The following DGKH variants were observed in gnomAD, a reference collection of about 807,000 sequenced individuals.
DGKH encodes diacylglycerol kinase eta, also known as DAG kinase eta.
DGKH carries 90 observed loss-of-function variants against 159.3 expected under a neutral mutation model. The ratio of observed to expected loss-of-function variants is 0.57; its 90% confidence interval spans 0.48 to 0.67. The LOEUF (loss-of-function observed/expected upper bound fraction) is 0.67, where lower values mean the gene tolerates loss of function less well. Among genes scored for constraint, DGKH ranks in the 30% least tolerant of loss-of-function variants. DGKH has a pLI of 0.00. For missense variants in DGKH, 1,181 were observed against 1,506.1 expected, an observed-to-expected ratio of 0.78 and a Z score of 3.57; for synonymous variants, 536 against 553.8, an observed-to-expected ratio of 0.97 and a Z score of 0.45.
At chr13:42,041,569 C>T (rs1264131246) in intron 1 of DGKH, among the ~76,000 whole-genome samples, 1 of 152,128 alleles carries the variant, frequency 6.6e-6, no homozygotes, top group Non-Finnish European at 1.5e-5. Flanking sequence ...CTTAAGTGTG[C>T]GAGGATAAGG....
At chr13:42,058,242 A>G (rs1245194987) in intron 1 of DGKH, among the ~76,000 whole-genome samples, 1 of 152,236 alleles carries the variant, frequency 6.6e-6, no homozygotes, top group Non-Finnish European at 1.5e-5. Context: ...CTTTTAAGTG[A>G]AATGACATAT....
downstream of DGKH, chr13:42,243,015 C>T (rs1271608550): frequency 6.6e-6 from 1 of 152,116 alleles, no homozygotes; most frequent in Non-Finnish European, 1.5e-5. Flanking sequence ...CTCGTGTACC[C>T]TTTACCCATT....
chr13:42,071,862 G>A (rs1882995453), intron 1 of DGKH, among the ~76,000 whole-genome samples: 1 of 152,156 alleles, frequency 6.6e-6, no homozygotes, highest in African/African-American at 2.4e-5. Flanking sequence ...ATGTAACACC[G>A]ACCCGTGAGA....
intron 26 of DGKH, among the ~76,000 whole-genome samples, 200 bp from the exon 27 acceptor site, chr13:42,219,030 G>T (rs1404639543): frequency 6.6e-6 from 1 of 152,148 alleles, no homozygotes; most frequent in Non-Finnish European, 1.5e-5. Flanking sequence ...GGGAAGTAAT[G>T]ATTAGATTAA....
In DGKH at chr13:42,242,638, T is replaced by C. The variant is rs1229927179; in HGVS notation, c.*13450T>C. The C allele has an allele frequency of 6.6e-6, 1 of 152,254 alleles. No individual in the cohort carries two copies. The highest frequency in any genetic ancestry group is 2.4e-5 in the African/African-American group (1 of 41,462). 9.4% of individuals were successfully genotyped at this position (152,254 alleles called of 1,614,324 possible). A position where few individuals can be genotyped will look rare whatever the true frequency, so the allele number is the denominator to read the frequency against. ...TCACCTTTGGAATATATTGTTACAT[T>C]TCCTTGTACAGATAATTTTGGTGGC... On this transcript the variant is annotated 3_prime_UTR_variant, in exon 30 of 30. Transcript: ENST00000337343.
At chr13:42,152,779 C>T (rs1325010509) in intron 3 of DGKH, among the ~76,000 whole-genome samples, 1 of 151,896 alleles carries the variant, frequency 6.6e-6, no homozygotes, top group Non-Finnish European at 1.5e-5. Flanking sequence ...TAAGAGGGGA[C>T]AGTTCCCTGG....
chr13:42,226,660 C>T (rs1958140433), intron 29 of DGKH, among the ~76,000 whole-genome samples: 1 of 151,696 alleles, frequency 6.6e-6, no homozygotes, highest in Non-Finnish European at 1.5e-5. Flanking sequence ...TCGATATCAG[C>T]CTGGGCAACA....
At chr13:42,070,271 G>C (rs1202651294) in intron 1 of DGKH, 10 of 1,205,276 alleles carry the variant, frequency 8.3e-6, no homozygotes, top group Admixed American at 1.7e-5. Flanking sequence ...GGTTTGTGTG[G>C]CTCAGTCATG....
chr13:42,067,123 C>G (rs569647350), intron 1 of DGKH, among the ~76,000 whole-genome samples: 213 of 152,188 alleles, frequency 1.4e-3, no homozygotes, highest in African/African-American at 3.9e-3. Flanking sequence ...GGAACCTAAA[C>G]CTAGTATTTC....
chr13:42,191,660 A>G (rs532461259), intron 16 of DGKH, among the ~76,000 whole-genome samples: 5 of 152,286 alleles, frequency 3.3e-5, no homozygotes, highest in African/African-American at 1.2e-4. Flanking sequence ...GACTAGTAGT[A>G]GTGAGTACAT....
chr13:42,192,939 T>G (rs1471254764), intron 16 of DGKH, among the ~76,000 whole-genome samples: 1 of 152,204 alleles, frequency 6.6e-6, no homozygotes, highest in African/African-American at 2.4e-5. Flanking sequence ...AAGGACATTT[T>G]TGATGTTACA....
intron 24 of DGKH, 71 bp from the exon 25 acceptor site, chr13:42,214,436 T>C: frequency 6.8e-7 from 1 of 1,461,200 alleles, no homozygotes; most frequent in Admixed American, 1.9e-5. Context: ...ATCCTAACAT[T>C]TCTATACTTC....
chr13:42,221,223 G>T (rs1957963286), intron 28 of DGKH, 41 bp from the exon 29 acceptor site: 1 of 1,609,930 alleles, frequency 6.2e-7, no homozygotes, highest in Non-Finnish European at 8.5e-7. Flanking sequence ...AATGCATTGA[G>T]CATGTAGAAA....
At chr13:42,099,840 T>A (rs545416281) in intron 1 of DGKH, among the ~76,000 whole-genome samples, 1 of 152,242 alleles carries the variant, frequency 6.6e-6, no homozygotes, top group East Asian at 1.9e-4. Context: ...GAAGGATGTT[T>A]AGGGTGTACT....
In DGKH at chr13:42,159,349, G is replaced by T. The variant is rs1367644869; in HGVS notation, c.706G>T (p.Asp236Tyr). The T allele has an allele frequency of 1.3e-6, 2 of 1,592,540 alleles. No individual in the cohort carries two copies. Among genetic ancestry groups the T allele is most frequent in the Non-Finnish European group, 1.7e-6 (2 of 1,168,900 alleles). The change falls in exon 6 of 30, where the codon GAC (aspartate) becomes TAC (tyrosine). Residue 236 changes from aspartate to tyrosine, a missense_variant. Physicochemically the swap from Asp to Tyr is radical, Grantham distance 160 (BLOSUM62 -3). Transcript: ENST00000337343. Reference sequence around the variant, plus strand: ...GACTACCCTGGCCTCCATCGGGAAGGACATTATAGAAGATGAAGATGGCGT... The same window carrying T: ...GACTACCCTGGCCTCCATCGGGAAGTACATTATAGAAGATGAAGATGGCGT... The part of the protein sequence containing the change: ...KWTTLASIGK[D>Y]IIEDEDGVAM...
intron 13 of DGKH, among the ~76,000 whole-genome samples, chr13:42,179,780 C>CAAAAA (rs3039209): frequency 7.7e-6 from 1 of 129,444 alleles, no homozygotes; most frequent in Non-Finnish European, 1.6e-5. Flanking sequence ...GATCTTGTCT[C>CAAAAA]AAAAAAAAAA....
intron 1 of DGKH, chr13:42,070,697 TG>T: frequency 6.2e-7 from 1 of 1,612,036 alleles, no homozygotes; most frequent in East Asian, 2.2e-5. Flanking sequence ...AGCTGATACA[TG>T]AAAAGCCTGG....
At chr13:42,158,883 C>T (rs1394251105) in intron 5 of DGKH, among the ~76,000 whole-genome samples, 2 of 152,112 alleles carry the variant, frequency 1.3e-5, no homozygotes, top group African/African-American at 2.4e-5. Flanking sequence ...TAAACACATT[C>T]GTATAATCAG....
intron 3 of DGKH, among the ~76,000 whole-genome samples, chr13:42,133,436 A>G (rs1955333322): frequency 6.6e-6 from 1 of 152,170 alleles, no homozygotes; most frequent in Admixed American, 6.5e-5. Flanking sequence ...GCTCACGCCT[A>G]TAATGCCAGC....
Sources: allele counts gnomAD v4.1 joint callset (sites outside exome capture counted in the v4.1 genomes callset), GRCh38; gene constraint gnomAD v4.1.1; transcripts MANE v1.5; gene names NCBI Gene and HGNC (gene_info 2026-07-23, HGNC 2026-07-21).